The following TBC1D19 variants were observed in gnomAD, a reference collection of about 807,000 sequenced individuals.
The protein encoded by TBC1D19 is TBC1 domain family member 19.
TBC1D19 carries 60 observed loss-of-function variants against 89.0 expected under a neutral mutation model. The observed-to-expected ratio is 0.67, with a 90% CI of 0.55 to 0.84. The LOEUF (loss-of-function observed/expected upper bound fraction) is 0.84, where lower values mean the gene tolerates loss of function less well. Among genes scored for constraint, TBC1D19 ranks in the 40% least tolerant of loss-of-function variants. TBC1D19 has a pLI of 0.00. For synonymous variants in TBC1D19, 189 were observed against 199.7 expected, an observed-to-expected ratio of 0.95 and a Z score of 0.45; for missense variants, 500 against 610.8, an observed-to-expected ratio of 0.82 and a Z score of 1.91.
intron 13 of TBC1D19, among the ~76,000 whole-genome samples, chr4:26,698,482 T>C (rs1256699138): frequency 6.6e-6 from 1 of 152,192 alleles, no homozygotes; most frequent in Non-Finnish European, 1.5e-5. Flanking sequence ...AAGCTACCAC[T>C]GACTTTCTTC....
the TBC1D19 span, among the ~76,000 whole-genome samples, chr4:26,804,446 CCTGT>C: frequency 6.6e-6 from 1 of 152,234 alleles, no homozygotes; most frequent in Non-Finnish European, 1.5e-5. Context: ...CGTGCGCTGC[CCTGT>C]CTGTGTTATT....
the TBC1D19 span, among the ~76,000 whole-genome samples, chr4:26,827,493 A>G: frequency 3.9e-5 from 6 of 152,296 alleles, no homozygotes; most frequent in Admixed American, 2.0e-4. Flanking sequence ...AGTTCCAACT[A>G]CGCAGGAGGC....
intron 11 of TBC1D19, among the ~76,000 whole-genome samples, chr4:26,678,310 GA>G (rs1713019912): frequency 6.6e-6 from 1 of 152,144 alleles, no homozygotes; most frequent in Non-Finnish European, 1.5e-5. Context: ...CGTCAGTCGA[GA>G]AAAATGACAA....
chr4:26,803,840 AT>A, the TBC1D19 span, among the ~76,000 whole-genome samples: 1 of 126,986 alleles, frequency 7.9e-6, no homozygotes, highest in African/African-American at 3.0e-5. Context: ...TCTCTTTTGC[AT>A]TTTTGATTTT....
At chr4:26,651,857 G>A (rs1379143284) in intron 7 of TBC1D19, among the ~76,000 whole-genome samples, 1 of 152,068 alleles carries the variant, frequency 6.6e-6, no homozygotes, top group African/African-American at 2.4e-5. Flanking sequence ...GTTTGTCATA[G>A]ATAGCTCTTA....
the TBC1D19 span, among the ~76,000 whole-genome samples, chr4:26,825,817 T>G: frequency 6.6e-6 from 1 of 152,240 alleles, no homozygotes; most frequent in South Asian, 2.1e-4. Flanking sequence ...AGAATTGTTA[T>G]AATATCAGTA....
chr4:26,792,543 G>T, the TBC1D19 span, among the ~76,000 whole-genome samples: 1 of 152,210 alleles, frequency 6.6e-6, no homozygotes, highest in Non-Finnish European at 1.5e-5. Flanking sequence ...AGGCCTTAAG[G>T]TGGGAAAAGT....
At chr4:26,723,571 G>A (rs571026401) in intron 15 of TBC1D19, among the ~76,000 whole-genome samples, 2 of 152,246 alleles carry the variant, frequency 1.3e-5, no homozygotes, top group South Asian at 4.1e-4. Flanking sequence ...GGTGGCATCA[G>A]ACATTTTGTT....
At chr4:26,738,534 A>G (rs1000379318) in intron 16 of TBC1D19, among the ~76,000 whole-genome samples, 6 of 151,864 alleles carry the variant, frequency 4.0e-5, no homozygotes, top group Non-Finnish European at 7.4e-5. Context: ...GGCTGTTTTT[A>G]TAAGTAGCAA....
intron 19 of TBC1D19, among the ~76,000 whole-genome samples, chr4:26,751,198 A>G (rs1578018900): frequency 1.3e-5 from 2 of 152,180 alleles, no homozygotes; most frequent in Admixed American, 6.5e-5. Context: ...TGACACCAAG[A>G]TAAATAAAGG....
chr4:26,838,101 T>G, the TBC1D19 span, among the ~76,000 whole-genome samples: 2 of 152,118 alleles, frequency 1.3e-5, no homozygotes, highest in African/African-American at 4.8e-5. Context: ...AATGGCTCAT[T>G]TTCCCATTCT....
At chr4:26,851,717 T>C in the TBC1D19 span, among the ~76,000 whole-genome samples, 4 of 152,338 alleles carry the variant, frequency 2.6e-5, no homozygotes, top group East Asian at 7.7e-4. Context: ...GTACGAGTTC[T>C]TTTTTTATTT....
the TBC1D19 span, among the ~76,000 whole-genome samples, chr4:26,824,627 C>T: frequency 6.6e-6 from 1 of 151,928 alleles, no homozygotes; most frequent in Non-Finnish European, 1.5e-5. Context: ...TATTACTGCA[C>T]TACAATTTAG....
chr4:26,751,440 T>C (rs530364364), intron 19 of TBC1D19, among the ~76,000 whole-genome samples: 6 of 152,362 alleles, frequency 3.9e-5, no homozygotes, highest in African/African-American at 1.4e-4. Context: ...ATATAAAATA[T>C]GATTCCAGAT....
the TBC1D19 span, among the ~76,000 whole-genome samples, chr4:26,789,890 C>T: frequency 2.6e-5 from 4 of 152,138 alleles, no homozygotes; most frequent in Non-Finnish European, 5.9e-5. Context: ...TTTGCAAAAA[C>T]ATGGGTGGAA....
At chr4:26,717,309 C>T (rs1716689435) in intron 13 of TBC1D19, among the ~76,000 whole-genome samples, 1 of 152,016 alleles carries the variant, frequency 6.6e-6, no homozygotes, top group Non-Finnish European at 1.5e-5. Flanking sequence ...CTGCTGCTCC[C>T]AAATTCCAGG....
At position 26,593,606 on chromosome 4, in the gene TBC1D19, T is replaced by C. The variant is rs533064320; in HGVS notation, c.99+9314T>C. ...ATCTACTCATCTGACAAAGGGCTAA[T>C]ATCCAGAATCTACAATGAACTCAAA... On this transcript the variant is annotated intron_variant, in intron 1 of 20. Coordinates refer to ENST00000264866, the MANE Select transcript of TBC1D19 (RefSeq NM_018317.4). Among the ~76,000 whole-genome samples the C allele has an allele frequency of 9.9e-5, 15 of 152,252 alleles. No homozygotes were observed. The South Asian group carries it at 2.9e-3, about 29-fold the overall frequency.
At chr4:26,777,729 C>G in the TBC1D19 span, among the ~76,000 whole-genome samples, 1 of 151,984 alleles carries the variant, frequency 6.6e-6, no homozygotes, top group African/African-American at 2.4e-5. Context: ...GATTACAGGT[C>G]TGAACCAATG....
chr4:26,826,349 A>G, the TBC1D19 span, among the ~76,000 whole-genome samples: 1 of 152,200 alleles, frequency 6.6e-6, no homozygotes, highest in Non-Finnish European at 1.5e-5. Flanking sequence ...CTGGATACAT[A>G]TTCAGTGACA....
Sources: gnomAD v4.1 joint callset for allele counts (sites outside exome capture counted in the v4.1 genomes callset) on GRCh38, gnomAD v4.1.1 for gene constraint, MANE v1.5 for transcripts, NCBI Gene and HGNC (gene_info 2026-07-23, HGNC 2026-07-21) for gene names.